Variants in MMP26 observed in about 807,000 individuals in gnomAD.
MMP26 encodes matrix metallopeptidase 26.
In MMP26, 33 loss-of-function variants were observed where a neutral mutation model predicts 31.0. That is an observed-to-expected ratio of 1.06 (90% confidence interval 0.81 to 1.42). MMP26 has a LOEUF of 1.42. Ranked by LOEUF, MMP26 falls within the 40% of genes most tolerant of loss-of-function variation. MMP26 has a pLI of 0.00. For synonymous variants in MMP26, 122 were observed against 114.9 expected (o/e 1.06, Z -0.40); for missense variants, 347 against 316.1 (o/e 1.10, Z -0.74).
rs538832227 is a variant in MMP26 at position 4,781,509 on chromosome 11, TGCAGTCC to T, written c.-145+14177_-145+14183del. ...TTGCAGTGAGCCGAGATTGCGCCAC[TGCAGTCC>T]GCAGTCCGGCCTGGGCGACAGAGCG... is the stretch of plus-strand genomic sequence containing the variant. On this transcript the variant is annotated intron_variant, in intron 2 of 7. Transcript: ENST00000380390. Among the ~76,000 whole-genome samples, 297 of 98,572 alleles carry T rather than the reference TGCAGTCC, an allele frequency of 3.0e-3. 16 individuals carry two copies. Among genetic ancestry groups the T allele is most frequent in the Non-Finnish European group, 4.0e-3 (226 of 56,246 alleles). The allele number at this position is 98,572 out of a possible 152,430, so 64.7% of individuals were successfully genotyped here. A position where few individuals can be genotyped will look rare whatever the true frequency, so the allele number is the denominator to read the frequency against.
intron 2 of MMP26, chr11:4,787,738 A>T (rs1275742145): frequency 6.6e-6 from 1 of 152,160 alleles, no homozygotes; most frequent in East Asian, 1.9e-4. Flanking sequence ...GGTCTACCTG[A>T]TTCAATCATA....
intron 2 of MMP26, chr11:4,822,183 C>T (rs768598231): frequency 6.2e-7 from 1 of 1,606,062 alleles, no homozygotes; most frequent in East Asian, 2.2e-5. Flanking sequence ...CCATCTTCTA[C>T]CTCCCTCTCA....
At chr11:4,759,781 A>G (rs1444136546) in intron 1 of MMP26, among the ~76,000 whole-genome samples, 1 of 152,178 alleles carries the variant, frequency 6.6e-6, no homozygotes, top group Non-Finnish European at 1.5e-5. Context: ...AAGGACAAAA[A>G]TGTCACCAGT....
At chr11:4,815,964 T>C (rs1291631417) in intron 2 of MMP26, among the ~76,000 whole-genome samples, 2 of 152,194 alleles carry the variant, frequency 1.3e-5, no homozygotes, top group Non-Finnish European at 2.9e-5. Flanking sequence ...TATCAACAAA[T>C]AACTATAATT....
chr11:4,905,706 T>G (rs1469350132), intron 2 of MMP26, among the ~76,000 whole-genome samples: 2 of 152,176 alleles, frequency 1.3e-5, no homozygotes, highest in Non-Finnish European at 1.5e-5. Flanking sequence ...GGAAGCTTAT[T>G]AAATATAGGC....
chr11:4,713,057 A>G (rs1270249626), intron 1 of MMP26, among the ~76,000 whole-genome samples: 2 of 152,044 alleles, frequency 1.3e-5, no homozygotes, highest in East Asian at 3.9e-4. Context: ...CTAAATTGAC[A>G]TTTCTATAAA....
intron 2 of MMP26, among the ~76,000 whole-genome samples, chr11:4,819,564 TGA>T (rs148873292): frequency 1.3e-4 from 17 of 127,250 alleles, no homozygotes; most frequent in African/African-American, 4.9e-4. Flanking sequence ...ATGAGTCGAC[TGA>T]TTTTTTTTTT....
At chr11:4,866,527 C>G (rs1306852264) in intron 2 of MMP26, among the ~76,000 whole-genome samples, 3 of 152,108 alleles carry the variant, frequency 2.0e-5, no homozygotes, top group African/African-American at 7.2e-5. Flanking sequence ...TTTATAGATT[C>G]AATGCCATTC....
intron 2 of MMP26, among the ~76,000 whole-genome samples, chr11:4,812,080 C>T (rs1005645170): frequency 1.3e-5 from 2 of 152,012 alleles, no homozygotes; most frequent in African/African-American, 2.4e-5. Context: ...CTTATAGTCA[C>T]GCCAATCTGC....
At chr11:4,889,839 G>A (rs576558346) in intron 2 of MMP26, 9 of 172,008 alleles carry the variant, frequency 5.2e-5, no homozygotes, top group African/African-American at 4.7e-5. Context: ...GCCTTGAGCC[G>A]CTCCCTATGG....
chr11:4,857,465 G>C (rs1394758997), intron 2 of MMP26, among the ~76,000 whole-genome samples: 2 of 151,934 alleles, frequency 1.3e-5, no homozygotes, highest in Non-Finnish European at 2.9e-5. Flanking sequence ...AAATAAACTA[G>C]AAAATCTAGA....
intron 2 of MMP26, among the ~76,000 whole-genome samples, chr11:4,919,838 G>A (rs185907731): frequency 1.3e-3 from 194 of 152,230 alleles, no homozygotes; most frequent in African/African-American, 4.2e-3. Context: ...TGGGTGCTCA[G>A]GTAACCCTAT....
At chr11:4,961,531 C>A (rs1846520921) in intron 2 of MMP26, among the ~76,000 whole-genome samples, 1 of 152,218 alleles carries the variant, frequency 6.6e-6, no homozygotes, top group Non-Finnish European at 1.5e-5. Context: ...CACAAGTTCA[C>A]CCCTTGTCAA....
chr11:4,842,619 C>T (rs937419833), intron 2 of MMP26, among the ~76,000 whole-genome samples: 3 of 152,164 alleles, frequency 2.0e-5, no homozygotes, highest in Admixed American at 6.5e-5. Flanking sequence ...CCTCTCTCCA[C>T]GTTGGGAATT....
chr11:4,869,597 G>A (rs905073166), intron 2 of MMP26, among the ~76,000 whole-genome samples: 2 of 152,144 alleles, frequency 1.3e-5, no homozygotes, highest in African/African-American at 4.8e-5. Context: ...TGGAGAAATA[G>A]GAACACTTTT....
chr11:4,750,984 G>C (rs1198637693), intron 1 of MMP26, among the ~76,000 whole-genome samples: 1 of 151,954 alleles, frequency 6.6e-6, no homozygotes, highest in African/African-American at 2.4e-5. Flanking sequence ...AACTTTCTGA[G>C]ACCTAAAGTT....
intron 1 of MMP26, among the ~76,000 whole-genome samples, chr11:4,706,197 T>C (rs1303708274): frequency 6.6e-6 from 1 of 152,196 alleles, no homozygotes; most frequent in African/African-American, 2.4e-5. Context: ...GAGAGAAATA[T>C]AGCCAAGTAC....
At chr11:4,908,115 CCTT>C (rs1564804846) in intron 2 of MMP26, 1 of 1,614,198 alleles carries the variant, frequency 6.2e-7, no homozygotes, top group African/African-American at 1.3e-5. Flanking sequence ...GCTGTGCTCA[CCTT>C]CTATGTGCCC....
intron 1 of MMP26, among the ~76,000 whole-genome samples, chr11:4,755,058 C>G (rs1265976952): frequency 6.6e-6 from 1 of 151,860 alleles, no homozygotes; most frequent in Non-Finnish European, 1.5e-5. Flanking sequence ...AGACTTTCAC[C>G]TTTCATCGGT....
Sources: gnomAD v4.1 joint callset for allele counts (sites outside exome capture counted in the v4.1 genomes callset) on GRCh38, gnomAD v4.1.1 for gene constraint, MANE v1.5 for transcripts, NCBI Gene and HGNC (gene_info 2026-07-23, HGNC 2026-07-21) for gene names.